The following ABLIM2 variants were observed in gnomAD, a reference collection of about 807,000 sequenced individuals.
The protein encoded by ABLIM2 is actin binding LIM protein family member 2.
A neutral mutation model predicts 97.7 loss-of-function variants in ABLIM2; 53 were observed. The observed-to-expected ratio is 0.54, with a 90% CI of 0.44 to 0.68. The LOEUF is 0.68. Ranked by LOEUF, ABLIM2 falls within the 30% of genes least tolerant of loss-of-function variation. ABLIM2 has a pLI of 0.00. For synonymous variants in ABLIM2, 361 were observed against 345.8 expected, an observed-to-expected ratio of 1.04 and a Z score of -0.49; for missense variants, 835 against 867.2, an observed-to-expected ratio of 0.96 and a Z score of 0.47.
intron 7 of ABLIM2, among the ~76,000 whole-genome samples, chr4:8,057,019 C>T (rs1217922511): frequency 6.8e-6 from 1 of 146,626 alleles, no homozygotes; most frequent in East Asian, 2.0e-4. Flanking sequence ...AAGGGCTATA[C>T]AATGTGGACA....
intron 1 of ABLIM2, among the ~76,000 whole-genome samples, chr4:8,116,998 G>A (rs193002764): frequency 2.0e-5 from 3 of 152,162 alleles, no homozygotes; most frequent in African/African-American, 2.4e-5. Context: ...CAGTGGCGAC[G>A]CCTGGTCTCC....
rs1801134428 is a variant in ABLIM2 at position 8,058,941 on chromosome 4, T to C, written c.763+2026A>G. The stretch of plus-strand genomic sequence containing the variant: ...GGGGTCAGTTCAGCAAGAAGCCCAG[T>C]ACCTCGAGCGACTTTCCACCTGCTG... On this transcript the variant is annotated intron_variant, in intron 7 of 20. Transcript: ENST00000447017. This position sits in a 1 kb window ranked among gnomAD's most constrained non-coding sequence, Gnocchi z 4.2. 1.3e-5 allele frequency among the ~76,000 whole-genome samples: 2 copies of C among 152,110 alleles called. No individual in the cohort carries two copies.
chr4:8,109,100 G>A (rs1839016256), intron 1 of ABLIM2, among the ~76,000 whole-genome samples: 2 of 152,238 alleles, frequency 1.3e-5, no homozygotes, highest in Admixed American at 6.5e-5. Flanking sequence ...GGGAGGCCGC[G>A]GCACTGGCCC....
intron 18 of ABLIM2, among the ~76,000 whole-genome samples, 182 bp from the exon 19 acceptor site, chr4:7,983,736 T>C (rs1336783246): frequency 1.3e-5 from 2 of 150,610 alleles, no homozygotes; most frequent in African/African-American, 5.0e-5. Flanking sequence ...AGAGGGGCCC[T>C]GAGGGCCTCC....
Position 8,083,247 on chromosome 4 carries a change from C to A in ABLIM2, c.455-2445G>T, listed in dbSNP as rs1293966864. On this transcript the variant is annotated intron_variant, in intron 4 of 20. Coordinates refer to ENST00000447017, the MANE Select transcript of ABLIM2 (RefSeq NM_001130083.2). The surrounding 1 kb of genome is among the most constrained non-coding windows in gnomAD (Gnocchi z 4.6). ...CAGCAGCGGTCAGATCCCAGCAATG[C>A]CCCCCACCGGCTGTGACCTGGGGAA... 3.3e-5 allele frequency among the ~76,000 whole-genome samples: 5 copies of A among 152,116 alleles called. No individual in the cohort carries two copies. The highest frequency in any genetic ancestry group is 7.4e-5 in the Non-Finnish European group (5 of 68,022).
rs187652744 is a variant in ABLIM2 at position 8,048,604 on chromosome 4, C to T, written c.823-3363G>A. ...GCCCTTGGCCACCGTGGAGAATTGC[C>T]GGGACCGTCTCGCTCCCATTCAGCC... On this transcript the variant is annotated intron_variant, in intron 8 of 20. Transcript: ENST00000447017. Among the ~76,000 whole-genome samples, 426 of 152,318 alleles carry T rather than the reference C, an allele frequency of 2.8e-3. 2 individuals are homozygous for T. Among genetic ancestry groups the T allele is most frequent in the Middle Eastern group, 0.02 (6 of 294 alleles).
rs1468159046 is a variant in ABLIM2 at position 8,005,028 on chromosome 4, T to C, written c.1618+3031A>G. On this transcript the variant is annotated intron_variant, in intron 16 of 20. Transcript: ENST00000447017. This position sits in a 1 kb window ranked among gnomAD's most constrained non-coding sequence, Gnocchi z 4.9. ...GCCTAGCACCATGTCCAGCACATAGTAGGTGCTCAGTAAGTATCTGGTGGA... is the reference window on the plus strand; with the variant it reads ...GCCTAGCACCATGTCCAGCACATAGCAGGTGCTCAGTAAGTATCTGGTGGA... Among the ~76,000 whole-genome samples, 1 of 152,134 alleles carries C rather than the reference T, an allele frequency of 6.6e-6. No homozygotes were observed. Among genetic ancestry groups the C allele is most frequent in the Non-Finnish European group, 1.5e-5 (1 of 68,014 alleles).
Position 8,127,465 on chromosome 4 carries a change from C to G in ABLIM2, c.11-20828G>C. Reference sequence around the variant, plus strand: ...TGAAGCTGATTCATGGAGCTCACAGCTCCCAGTCCCCTGAAGCTGACTCAT... The same window carrying G: ...TGAAGCTGATTCATGGAGCTCACAGGTCCCAGTCCCCTGAAGCTGACTCAT... On this transcript the variant is annotated intron_variant, in intron 1 of 20. Transcript: ENST00000447017. This position sits in a 1 kb window ranked among gnomAD's most constrained non-coding sequence, Gnocchi z 7.3. 7.8e-7 allele frequency: 1 copy of G among 1,278,836 alleles called. No homozygotes were observed. Among genetic ancestry groups the G allele is most frequent in the South Asian group, 1.2e-5 (1 of 80,566 alleles). The allele number at this position is 1,278,836 out of a possible 1,614,324, so 79.2% of individuals were successfully genotyped here. A position where few individuals can be genotyped will look rare whatever the true frequency, so the allele number is the denominator to read the frequency against.
chr4:8,107,213 G>A (rs554105123), intron 1 of ABLIM2, among the ~76,000 whole-genome samples: 1 of 152,358 alleles, frequency 6.6e-6, no homozygotes, highest in East Asian at 1.9e-4. Context: ...CACAGTACAG[G>A]ACATTTAAGG....
intron 20 of ABLIM2, among the ~76,000 whole-genome samples, chr4:7,973,075 C>CTCTGTGTGTGTGTGTGTGTGTG (rs746286244): frequency 8.9e-5 from 11 of 123,978 alleles, no homozygotes; most frequent in African/African-American, 2.8e-4. Flanking sequence ...GCTCCCCTTG[C>CTCTGTGTGTGTGTGTGTGTGTG]TGTGTGTGTG....
At chr4:8,041,955 G>A (rs41514147) in intron 9 of ABLIM2, among the ~76,000 whole-genome samples, 69,162 of 151,788 alleles carry the variant, frequency 0.46, 16,237 homozygotes, top group East Asian at 0.77. Context: ...ACTATGTGCC[G>A]TGCAGGTTCC....
At chr4:8,080,459 A>G (rs1402785290) in intron 5 of ABLIM2, among the ~76,000 whole-genome samples, 1 of 152,206 alleles carries the variant, frequency 6.6e-6, no homozygotes, top group African/African-American at 2.4e-5. Flanking sequence ...CCGTTAGAGA[A>G]GCCAGGGCTG....
Position 7,986,617 on chromosome 4 carries a change from C to T in ABLIM2, c.1681-1724G>A, listed in dbSNP as rs990568391. On this transcript the variant is annotated intron_variant, in intron 17 of 20. Transcript: ENST00000447017. This position sits in a 1 kb window ranked among gnomAD's most constrained non-coding sequence, Gnocchi z 4.3. ...CTGGGCCTGGACCCTGAGCCAGGGT[C>T]CTCTTGCCTCCACCACTTCACAAAA... 6.6e-6 allele frequency among the ~76,000 whole-genome samples: 1 copy of T among 152,204 alleles called. No homozygotes were observed. Among genetic ancestry groups the T allele is most frequent in the Non-Finnish European group, 1.5e-5 (1 of 68,042 alleles).
chr4:8,080,920 C>G (rs2249919), intron 4 of ABLIM2, 118 bp from the exon 5 acceptor site: 1,176,950 of 1,293,866 alleles, frequency 0.91, 536,418 homozygotes, highest in East Asian at 0.96. Context: ...CGGGACAGAC[C>G]AGCAGCCACA....
chr4:8,100,554 C>T (rs13103330), intron 2 of ABLIM2, among the ~76,000 whole-genome samples: 37,029 of 151,888 alleles, frequency 0.24, 4,760 homozygotes, highest in Non-Finnish European at 0.3. Context: ...CGAGACTAGC[C>T]TGACCAACAT....
In ABLIM2 at chr4:8,083,181, A is replaced by G. The variant is rs952037384; in HGVS notation, c.455-2379T>C. Among the ~76,000 whole-genome samples, 2 of 152,166 alleles carry G rather than the reference A, an allele frequency of 1.3e-5. No individual in the cohort carries two copies. Among genetic ancestry groups the G allele is most frequent in the Non-Finnish European group, 2.9e-5 (2 of 68,026 alleles). The stretch of plus-strand genomic sequence containing the variant: ...GCTTCTCTGCATGTCAAGGGAGCAC[A>G]GCACATGGGGCTGTGTGTCGACCAG... On this transcript the variant is annotated intron_variant, in intron 4 of 20. Transcript: ENST00000447017. This position sits in a 1 kb window ranked among gnomAD's most constrained non-coding sequence, Gnocchi z 4.6.
rs1714847615 is a variant in ABLIM2, at chr4:8,155,017, T to C, written c.10+3663A>G. On this transcript the variant is annotated intron_variant, in intron 1 of 20. Transcript: ENST00000447017. The surrounding 1 kb of genome is among the most constrained non-coding windows in gnomAD (Gnocchi z 4.2). ...CTTAATCACCACCATGAGAACAGTA[T>C]GGGGGAAACCACCCCTGTGATTCAA... Among the ~76,000 whole-genome samples the C allele has an allele frequency of 6.6e-6, 1 of 152,118 alleles. No homozygotes were observed. Among genetic ancestry groups the C allele is most frequent in the African/African-American group, 2.4e-5 (1 of 41,412 alleles).
chr4:8,097,288 G>T lies in ABLIM2; in HGVS notation c.155-6C>A. ...GGCCAGGTCGCAGCCACATGCTGGG[G>T]GAGGACGGGCGAGGTGGCGTTAGCG... is the stretch of plus-strand genomic sequence containing the variant. On this transcript the variant is annotated splice_region_variant and splice_polypyrimidine_tract_variant and intron_variant, in intron 2 of 20. Coordinates refer to ENST00000447017, the MANE Select transcript of ABLIM2 (RefSeq NM_001130083.2). The T allele has an allele frequency of 6.4e-7, 1 of 1,556,656 alleles. No homozygotes were observed. The highest frequency in any genetic ancestry group is 8.7e-7 in the Non-Finnish European group (1 of 1,150,774).
intron 6 of ABLIM2, among the ~76,000 whole-genome samples, chr4:8,064,334 G>A (rs1171970933): frequency 2.0e-5 from 3 of 152,314 alleles, no homozygotes; most frequent in African/African-American, 4.8e-5. Context: ...GGAGCAGACC[G>A]TGAAGGTCCT....
Sources: gnomAD v4.1 joint callset for allele counts (sites outside exome capture counted in the v4.1 genomes callset) on GRCh38, gnomAD v4.1.1 for gene constraint, Gnocchi (gnomAD v3.1) non-coding constraint, MANE v1.5 for transcripts, NCBI Gene and HGNC (gene_info 2026-07-23, HGNC 2026-07-21) for gene names.